Variants in EVI5L observed in about 807,000 individuals in gnomAD.
EVI5L encodes ecotropic viral integration site 5 like.
EVI5L carries 30 observed loss-of-function variants against 106.1 expected under a neutral mutation model. The ratio of observed to expected loss-of-function variants is 0.28; its 90% CI spans 0.21 to 0.38. The LOEUF (loss-of-function observed/expected upper bound fraction) is 0.38, where lower values mean the gene tolerates loss of function less well. Among genes scored for constraint, EVI5L ranks in the 10% least tolerant of loss-of-function variants. The pLI is 1.00. For missense variants in EVI5L, 809 were observed against 1,098.0 expected (o/e 0.74, Z 3.72); for synonymous variants, 489 against 483.3 (o/e 1.01, Z -0.15).
At chr19:7,862,087 A>C in intron 15 of EVI5L, 35 bp from the exon 16 acceptor site, 1 of 1,548,260 alleles carries the variant, frequency 6.5e-7, no homozygotes, top group South Asian at 1.2e-5. Context: ...TCTTGGGCGG[A>C]GGCTGACCGC....
At chr19:7,838,572 T>C (rs1175504416) in intron 1 of EVI5L, among the ~76,000 whole-genome samples, 1 of 152,218 alleles carries the variant, frequency 6.6e-6, no homozygotes, top group Non-Finnish European at 1.5e-5. Flanking sequence ...GAAAGTTTCA[T>C]CTTCATTTAT....
At chr19:7,842,152 T>C (rs1978631353) in intron 1 of EVI5L, among the ~76,000 whole-genome samples, 1 of 151,980 alleles carries the variant, frequency 6.6e-6, no homozygotes, top group African/African-American at 2.4e-5. Context: ...TGCATGTGTA[T>C]GAGGTGTGTA....
chr19:7,837,348 A>C (rs1398880926), intron 1 of EVI5L, among the ~76,000 whole-genome samples: 1 of 152,178 alleles, frequency 6.6e-6, no homozygotes, highest in Non-Finnish European at 1.5e-5. Context: ...TAAAAAATAA[A>C]TAAAATAAAA....
chr19:7,853,002 C>G, intron 8 of EVI5L, 84 bp from the exon 9 acceptor site: 2 of 1,388,986 alleles, frequency 1.4e-6, no homozygotes, highest in South Asian at 2.4e-5. Flanking sequence ...GTTCCTGCCC[C>G]CCTCCAGGGC....
rs1228726576 is a variant in EVI5L at position 7,858,393 on chromosome 19, A to G, written c.1374+62A>G. On this transcript the variant is annotated intron_variant, in intron 13 of 19. Transcript: ENST00000538904. This position sits in a 1 kb window ranked among gnomAD's most constrained non-coding sequence, Gnocchi z 5.7. ...TGACCCGCGCCCCCGCCCCCGCCCA[A>G]CGGTTTTCTTTCAGGGCTCATAATC... 4.0e-6 allele frequency: 6 copies of G among 1,484,446 alleles called. No homozygotes were observed. The highest frequency in any genetic ancestry group is 2.4e-4 in the Middle Eastern group (1 of 4,114). The allele number at this position is 1,484,446 out of a possible 1,614,324, so 92.0% of individuals were successfully genotyped here.
At chr19:7,852,886 G>A (rs979630058) in intron 8 of EVI5L, 200 bp from the exon 9 acceptor site, 9 of 581,082 alleles carry the variant, frequency 1.5e-5, no homozygotes, top group African/African-American at 1.3e-4. Flanking sequence ...CTAAGGCTTT[G>A]GCTGCAGGCA....
chr19:7,862,373 T>C lies in EVI5L; in HGVS notation c.1801-15T>C. The C allele has an allele frequency of 6.3e-7, 1 of 1,592,534 alleles. No homozygotes were observed. Among genetic ancestry groups the C allele is most frequent in the Non-Finnish European group, 8.6e-7 (1 of 1,168,728 alleles). On this transcript the variant is annotated splice_polypyrimidine_tract_variant and intron_variant, in intron 16 of 19. Transcript: ENST00000538904. The stretch of plus-strand genomic sequence containing the variant: ...ACCGCCGCCGTCCTCCGTCCTCCCT[T>C]CCTCCCTATCCCAGGACCACATCCA...
Position 7,834,918 on chromosome 19 carries a change from G to A in EVI5L, c.-48+4537G>A, listed in dbSNP as rs999685395. On this transcript the variant is annotated intron_variant, in intron 1 of 19. Coordinates refer to ENST00000538904, the MANE Select transcript of EVI5L (RefSeq NM_001159944.3). Reference sequence around the variant, plus strand: ...AGTCAGGGAGATAACTTGAGGCCAGGAGTTTGAGACCAACCTGGGCAACAT... The same window carrying A: ...AGTCAGGGAGATAACTTGAGGCCAGAAGTTTGAGACCAACCTGGGCAACAT... Among the ~76,000 whole-genome samples the A allele has an allele frequency of 5.3e-5, 8 of 152,026 alleles. No homozygotes were observed. In the East Asian group the frequency reaches 1.3e-3, roughly 26 times the overall value.
chr19:7,838,095 G>GT (rs992920117), intron 1 of EVI5L, among the ~76,000 whole-genome samples: 26 of 149,274 alleles, frequency 1.7e-4, no homozygotes, highest in African/African-American at 2.7e-4. Flanking sequence ...TTTTTGGTTG[G>GT]TTTTTTTTTG....
intron 1 of EVI5L, among the ~76,000 whole-genome samples, chr19:7,834,662 A>G (rs535884827): frequency 6.6e-6 from 1 of 152,342 alleles, no homozygotes; most frequent in South Asian, 2.1e-4. Context: ...CTGAAGATCC[A>G]ATAGTGGGCT....
chr19:7,839,952 A>T (rs539965365), intron 1 of EVI5L, among the ~76,000 whole-genome samples: 1 of 152,186 alleles, frequency 6.6e-6, no homozygotes. Context: ...TGGAGAGCAG[A>T]GGCCAGTTGG....
rs1294498960 is a variant in EVI5L at position 7,830,299 on chromosome 19, G to T, written c.-130G>T. On this transcript the variant is annotated 5_prime_UTR_variant, in exon 1 of 20. Transcript: ENST00000538904. The stretch of plus-strand genomic sequence containing the variant: ...GCTGAGGGGGCCGGGCCGGGGCTGC[G>T]GGGCGAACGGCGCGGCTAGGATCCG... 1.3e-5 allele frequency: 2 copies of T among 151,402 alleles called. No individual in the cohort carries two copies. The highest frequency in any genetic ancestry group is 2.4e-5 in the African/African-American group (1 of 41,250). 9.4% of individuals were successfully genotyped at this position (151,402 alleles called of 1,614,324 possible). A position where few individuals can be genotyped will look rare whatever the true frequency, so the allele number is the denominator to read the frequency against.
Position 7,862,386 on chromosome 19 carries a change from A to G in EVI5L, c.1801-2A>G. Reference sequence around the variant, plus strand: ...TCCGTCCTCCCTTCCTCCCTATCCCAGGACCACATCCACCGCAACCTTCTG... The same window carrying G: ...TCCGTCCTCCCTTCCTCCCTATCCCGGGACCACATCCACCGCAACCTTCTG... On this transcript the variant is annotated splice_acceptor_variant, in intron 16 of 19. Coordinates refer to ENST00000538904, the MANE Select transcript of EVI5L (RefSeq NM_001159944.3). LOFTEE classifies it high-confidence loss of function. 1 of 1,601,802 alleles carries G rather than the reference A, an allele frequency of 6.2e-7. No homozygotes were observed. The highest frequency in any genetic ancestry group is 8.5e-7 in the Non-Finnish European group (1 of 1,174,362).
At chr19:7,861,291 G>A (rs980597732) in intron 14 of EVI5L, among the ~76,000 whole-genome samples, 3 of 152,180 alleles carry the variant, frequency 2.0e-5, no homozygotes, top group South Asian at 2.1e-4. Context: ...CTCCGCTCCC[G>A]CCTCCCTCCA....
At position 7,852,837 on chromosome 19, in the gene EVI5L, G is replaced by A. The variant is rs902745703; in HGVS notation, c.988-249G>A. Reference sequence around the variant, plus strand: ...TAAATCATTGGGATTATATGAATGAGCCACCACATCCAGCATCTGCCAGCT... The same window carrying A: ...TAAATCATTGGGATTATATGAATGAACCACCACATCCAGCATCTGCCAGCT... On this transcript the variant is annotated intron_variant, in intron 8 of 19. Coordinates refer to ENST00000538904, the MANE Select transcript of EVI5L (RefSeq NM_001159944.3). 4 of 507,426 alleles carry A rather than the reference G, an allele frequency of 7.9e-6. No homozygotes were observed. The Admixed American group carries it at 1.0e-4, about 13-fold the overall frequency. 31.4% of individuals were successfully genotyped at this position (507,426 alleles called of 1,614,324 possible).
intron 1 of EVI5L, among the ~76,000 whole-genome samples, chr19:7,843,315 G>C (rs888486400): frequency 2.0e-5 from 3 of 147,246 alleles, no homozygotes; most frequent in Non-Finnish European, 4.5e-5. Context: ...GAGAGAATAG[G>C]CATGGGTGTG....
chr19:7,858,284 G>GACC lies in EVI5L; in HGVS notation c.1328_1330dup (p.Asp443_Leu444insHis). On this transcript the variant is annotated inframe_insertion, in exon 13 of 20. Transcript: ENST00000538904. This position sits in a 1 kb window ranked among gnomAD's most constrained non-coding sequence, Gnocchi z 5.7. ...GCAGCAGTGCAGCTCGGCGGCCGAG[G>GACC]ACCTGCAGAAGGCACAGAGCACCAT... 6.4e-7 allele frequency: 1 copy of GACC among 1,551,264 alleles called. No individual in the cohort carries two copies. The highest frequency in any genetic ancestry group is 8.7e-7 in the Non-Finnish European group (1 of 1,147,824).
chr19:7,830,612 C>G (rs1355288824), intron 1 of EVI5L, among the ~76,000 whole-genome samples: 4 of 149,114 alleles, frequency 2.7e-5, no homozygotes, highest in Admixed American at 6.7e-5. Flanking sequence ...CCCCCTCCCC[C>G]ACTCCGTCCC....
At position 7,863,821 on chromosome 19, in the gene EVI5L, A is replaced by T; in HGVS notation, c.*119A>T. The stretch of plus-strand genomic sequence containing the variant: ...ACTACGCGCCCTCTGTGGCTCGGCC[A>T]CCCCTAAAGCGAGGCCCGGCGAGGC... On this transcript the variant is annotated 3_prime_UTR_variant, in exon 20 of 20. Coordinates refer to ENST00000538904, the MANE Select transcript of EVI5L (RefSeq NM_001159944.3). This position sits in a 1 kb window ranked among gnomAD's most constrained non-coding sequence, Gnocchi z 7.7. 1 of 1,357,618 alleles carries T rather than the reference A, an allele frequency of 7.4e-7. No individual in the cohort carries two copies. The highest frequency in any genetic ancestry group is 9.6e-7 in the Non-Finnish European group (1 of 1,042,654). 84.1% of individuals were successfully genotyped at this position (1,357,618 alleles called of 1,614,324 possible).
Sources: allele counts gnomAD v4.1 joint callset (sites outside exome capture counted in the v4.1 genomes callset), GRCh38; gene constraint gnomAD v4.1.1; non-coding constraint Gnocchi (gnomAD v3.1); transcripts MANE v1.5; gene names NCBI Gene and HGNC (gene_info 2026-07-23, HGNC 2026-07-21).